OOEP: variants seen among roughly 807,000 people sequenced by gnomAD.
OOEP encodes oocyte expressed protein.
Under a neutral mutation model 13.7 loss-of-function variants are expected in OOEP, and 16 were observed. The ratio of observed to expected loss-of-function variants is 1.16; its 90% confidence interval spans 0.79 to 1.77. The LOEUF (loss-of-function observed/expected upper bound fraction) is 1.77. Among genes scored for constraint, OOEP ranks in the 40% most tolerant of loss-of-function variants. OOEP has a pLI of 0.00. For missense variants in OOEP, 195 were observed against 193.1 expected (o/e 1.01, Z -0.06); for synonymous variants, 89 against 77.1 (o/e 1.15, Z -0.81).
chr6:73,390,160 C>T (rs1358314202), intron 2 of OOEP, among the ~76,000 whole-genome samples: 3 of 151,914 alleles, frequency 2.0e-5, no homozygotes, highest in African/African-American at 7.3e-5. Context: ...GCCTGGCCCA[C>T]AGGGAAAGAA....
upstream of OOEP, among the ~76,000 whole-genome samples, chr6:73,372,748 A>C (rs1769075361): frequency 6.6e-5 from 10 of 152,096 alleles, 2 homozygotes; most frequent in South Asian, 2.1e-3. Flanking sequence ...TTAATAGAAC[A>C]CTTTTCCCGC....
At chr6:73,373,027 G>C, upstream of OOEP, 2 of 1,137,704 alleles carry the variant, frequency 1.8e-6, no homozygotes, top group Non-Finnish European at 2.6e-6. Flanking sequence ...CCAGATAGTG[G>C]TGACATTTTC....
At chr6:73,383,932 C>T (rs752366661) in intron 2 of OOEP, among the ~76,000 whole-genome samples, 2 of 151,504 alleles carry the variant, frequency 1.3e-5, no homozygotes, top group Non-Finnish European at 2.9e-5. Context: ...CCCATCTCTA[C>T]AAAAAATACA....
At chr6:73,374,468 G>A (rs576550159), upstream of OOEP, among the ~76,000 whole-genome samples, 13 of 152,314 alleles carry the variant, frequency 8.5e-5, no homozygotes, top group African/African-American at 2.9e-4. Flanking sequence ...TGGTTGCAGA[G>A]ATGGTAAAGA....
At chr6:73,369,420 C>G (rs199750315) in intron 1 of OOEP, 35 bp from the exon 2 acceptor site, 2 of 1,585,632 alleles carry the variant, frequency 1.3e-6, no homozygotes, top group African/African-American at 2.7e-5. Context: ...AGGGGCTGCA[C>G]GGTGGCAGGT....
chr6:73,379,601 T>G (rs2756038), intron 2 of OOEP, among the ~76,000 whole-genome samples: 54,519 of 135,558 alleles, frequency 0.4, 10,844 homozygotes, highest in South Asian at 0.53. Context: ...ATTGTGCCAC[T>G]GCACTCCACT....
At chr6:73,388,357 G>GA (rs1769302906) in intron 2 of OOEP, among the ~76,000 whole-genome samples, 1 of 152,124 alleles carries the variant, frequency 6.6e-6, no homozygotes, top group South Asian at 2.1e-4. Context: ...GTGCAAAATT[G>GA]AATAGTAAAA....
At chr6:73,388,272 C>T (rs1437874757) in intron 2 of OOEP, among the ~76,000 whole-genome samples, 1 of 149,610 alleles carries the variant, frequency 6.7e-6, no homozygotes, top group Admixed American at 6.8e-5. Context: ...TTATAAACAG[C>T]GAAGAATGTA....
chr6:73,375,802 T>C (rs889718578), intron 2 of OOEP, among the ~76,000 whole-genome samples: 1 of 148,458 alleles, frequency 6.7e-6, no homozygotes, highest in Non-Finnish European at 1.5e-5. Flanking sequence ...TTTTTTTTTT[T>C]TTTTTTTGAG....
chr6:73,386,694 G>A (rs1448454506), intron 2 of OOEP, among the ~76,000 whole-genome samples: 3 of 151,882 alleles, frequency 2.0e-5, no homozygotes, highest in South Asian at 2.1e-4. Context: ...AGCCGGGCGC[G>A]GTGGCTCATG....
At chr6:73,375,509 G>A (rs1582625599) in intron 2 of OOEP, among the ~76,000 whole-genome samples, 2 of 151,490 alleles carry the variant, frequency 1.3e-5, no homozygotes, top group East Asian at 3.9e-4. Flanking sequence ...TAGTCAAGGA[G>A]TCAGAGGCTG....
At chr6:73,395,098 C>T (rs1769438034), upstream of OOEP, 1 of 1,614,128 alleles carries the variant, frequency 6.2e-7, no homozygotes, top group Non-Finnish European at 8.5e-7. Context: ...GGCCGCTGGT[C>T]ACGAGGAACT....
chr6:73,368,660 A>T lies in OOEP; in HGVS notation c.*124T>A. On this transcript the variant is annotated 3_prime_UTR_variant, in exon 3 of 3. Transcript: ENST00000370359. ...CAAACTCACTCTTGCAACAAAATAA[A>T]CCACAATCCATCAAGACACAGGAAA... The T allele has an allele frequency of 1.5e-6, 1 of 668,358 alleles. No homozygotes were observed. Among genetic ancestry groups the T allele is most frequent in the South Asian group, 1.9e-5 (1 of 53,758 alleles). The allele number at this position is 668,358 out of a possible 1,614,324, so 41.4% of individuals were successfully genotyped here.
intron 2 of OOEP, among the ~76,000 whole-genome samples, chr6:73,389,450 C>T (rs1160874044): frequency 1.3e-5 from 2 of 151,950 alleles, no homozygotes; most frequent in Non-Finnish European, 2.9e-5. Context: ...TTGAAAGGCC[C>T]GCAGGCATAT....
intron 2 of OOEP, among the ~76,000 whole-genome samples, chr6:73,388,136 C>T (rs571371094): frequency 6.6e-6 from 1 of 152,310 alleles, no homozygotes; most frequent in African/African-American, 2.4e-5. Flanking sequence ...CTCGGCCTCC[C>T]AAAGTGCTGG....
rs1204553635 is a variant in OOEP at position 73,379,515 on chromosome 6, C to T, written c.26-10130G>A. Among the ~76,000 whole-genome samples, 3 of 151,100 alleles carry T rather than the reference C, an allele frequency of 2.0e-5. No individual in the cohort carries two copies. The East Asian group carries it at 6.0e-4, about 30-fold the overall frequency. Reference sequence around the variant, plus strand: ...AAAATTAGCCGGGCATGGTAGTGTGCACCTGTAATCCCAGTTAGGAGGCTG... The same window carrying T: ...AAAATTAGCCGGGCATGGTAGTGTGTACCTGTAATCCCAGTTAGGAGGCTG... On this transcript the variant is annotated intron_variant, in intron 2 of 3. Transcript: ENST00000370363.
At chr6:73,394,941 G>A (rs373466847) in exon 1 of OOEP, 4 of 1,614,238 alleles carry the variant, frequency 2.5e-6, no homozygotes, top group Non-Finnish European at 3.4e-6. Flanking sequence ...AGGCCTCTAC[G>A]TGGGTCGTTG....
At chr6:73,377,455 T>C (rs1279730594) in intron 2 of OOEP, among the ~76,000 whole-genome samples, 1 of 152,172 alleles carries the variant, frequency 6.6e-6, no homozygotes, top group Non-Finnish European at 1.5e-5. Flanking sequence ...TCGAACTTTC[T>C]CAAGTTCTCG....
At chr6:73,392,861 ACCTTGTGAT>A (rs1336613694) in intron 2 of OOEP, among the ~76,000 whole-genome samples, 1 of 150,774 alleles carries the variant, frequency 6.6e-6, no homozygotes, top group Non-Finnish European at 1.5e-5. Context: ...CGATCTCTTG[ACCTTGTGAT>A]CCAGCCGCCT....
Sources: gnomAD v4.1 joint callset for allele counts (sites outside exome capture counted in the v4.1 genomes callset) on GRCh38, gnomAD v4.1.1 for gene constraint, MANE v1.5 for transcripts, NCBI Gene and HGNC (gene_info 2026-07-23, HGNC 2026-07-21) for gene names.